KCNMA1: variants seen among roughly 807,000 people sequenced by gnomAD.
KCNMA1 encodes potassium calcium-activated channel subfamily M alpha 1.
Under a neutral mutation model 140.0 loss-of-function variants are expected in KCNMA1, and 29 were observed. That is an observed-to-expected ratio of 0.21 (90% CI 0.15 to 0.28). The LOEUF (loss-of-function observed/expected upper bound fraction) is 0.28. Ranked by LOEUF, KCNMA1 falls within the 10% of genes least tolerant of loss-of-function variation. The probability of loss-of-function intolerance (pLI) is 1.00; values close to 1 mark genes in which losing one functional copy is unlikely to be tolerated. For synonymous variants in KCNMA1, 612 were observed against 611.9 expected, an observed-to-expected ratio of 1.00 and a Z score of 0.00; for missense variants, 880 against 1,602.2, an observed-to-expected ratio of 0.55 and a Z score of 7.70.
Position 77,080,453 on chromosome 10 carries a change from C to T in KCNMA1, c.1524-903G>A, listed in dbSNP as rs77968806. ...ATGGGCTAAGCCCCATTTTGGGGCT[C>T]ACCTATCCTGCATCAGGACCAGCAG... is the stretch of plus-strand genomic sequence containing the variant. On this transcript the variant is annotated intron_variant, in intron 12 of 27. Coordinates refer to ENST00000286628, the MANE Select transcript of KCNMA1 (RefSeq NM_001161352.2). Among the ~76,000 whole-genome samples, 1,522 of 152,290 alleles carry T rather than the reference C, an allele frequency of 1.0e-2. 23 individuals are homozygous for T. The highest frequency in any genetic ancestry group is 0.066 in the East Asian group (341 of 5,166).
chr10:77,385,967 A>G (rs535429858), intron 2 of KCNMA1, among the ~76,000 whole-genome samples: 1 of 152,312 alleles, frequency 6.6e-6, no homozygotes, highest in Admixed American at 6.5e-5. Flanking sequence ...AGCCAGGACA[A>G]TGGAAAAAGA....
chr10:77,516,462 T>A (rs1018852228), intron 1 of KCNMA1, among the ~76,000 whole-genome samples: 1 of 152,234 alleles, frequency 6.6e-6, no homozygotes, highest in Non-Finnish European at 1.5e-5. Flanking sequence ...CCTAACCCAA[T>A]GAGGGCAGGG....
At chr10:77,121,972 CA>C (rs1413366923) in intron 5 of KCNMA1, among the ~76,000 whole-genome samples, 3 of 152,218 alleles carry the variant, frequency 2.0e-5, no homozygotes, top group Non-Finnish European at 4.4e-5. Context: ...TTTTCTTTTG[CA>C]GACTTTCTAG....
intron 1 of KCNMA1, among the ~76,000 whole-genome samples, chr10:77,614,472 C>T (rs2088505322): frequency 6.6e-6 from 1 of 152,216 alleles, no homozygotes. Flanking sequence ...ATCGCCATCC[C>T]TCACCTAACC....
intron 6 of KCNMA1, among the ~76,000 whole-genome samples, chr10:77,115,237 C>T (rs943751008): frequency 1.9e-4 from 29 of 152,184 alleles, no homozygotes; most frequent in African/African-American, 6.5e-4. Context: ...ATGTGTGGAA[C>T]AACTTTCTTC....
chr10:77,292,452 G>C (rs1056337243), intron 2 of KCNMA1, among the ~76,000 whole-genome samples: 1 of 152,218 alleles, frequency 6.6e-6, no homozygotes, highest in Non-Finnish European at 1.5e-5. Flanking sequence ...AATCACAGGG[G>C]CGGCCCCCAC....
At chr10:77,128,049 T>C (rs2097779069) in intron 5 of KCNMA1, among the ~76,000 whole-genome samples, 1 of 152,138 alleles carries the variant, frequency 6.6e-6, no homozygotes, top group African/African-American at 2.4e-5. Context: ...ATGGCTGTTT[T>C]ATTTTGCTTT....
intron 1 of KCNMA1, among the ~76,000 whole-genome samples, chr10:77,465,576 A>G (rs7910590): frequency 0.023 from 3,473 of 152,242 alleles, 154 homozygotes; most frequent in African/African-American, 0.079. Flanking sequence ...AAATGGGGAT[A>G]ATAACAATGC....
chr10:77,040,820 A>T (rs1056931639), intron 14 of KCNMA1, among the ~76,000 whole-genome samples: 1 of 152,212 alleles, frequency 6.6e-6, no homozygotes, highest in African/African-American at 2.4e-5. Context: ...GTCTTGCTCC[A>T]AATTTCAAAA....
intron 2 of KCNMA1, among the ~76,000 whole-genome samples, chr10:77,389,591 C>T (rs986099731): frequency 2.8e-4 from 43 of 152,234 alleles, no homozygotes; most frequent in African/African-American, 9.9e-4. Flanking sequence ...ACGTTTGATA[C>T]CAACTAGGAA....
chr10:77,176,505 T>C (rs944004055), intron 5 of KCNMA1, among the ~76,000 whole-genome samples: 2 of 152,016 alleles, frequency 1.3e-5, no homozygotes, highest in South Asian at 2.1e-4. Flanking sequence ...TGGGAGGGTG[T>C]TGAGCTTCAA....
At position 77,522,709 on chromosome 10, in the gene KCNMA1, C is replaced by T. The variant is rs1428803975; in HGVS notation, c.378+114556G>A. On this transcript the variant is annotated intron_variant, in intron 1 of 27. Coordinates refer to ENST00000286628, the MANE Select transcript of KCNMA1 (RefSeq NM_001161352.2). ...GGAGGTCTTTATCCTTGCAGGGCAG[C>T]CTTCAAAGGTGCAAACTCTGCCAAG... Among the ~76,000 whole-genome samples the T allele has an allele frequency of 1.3e-5, 2 of 152,140 alleles. 1 individual carries two copies. The highest frequency in any genetic ancestry group is 4.1e-4 in the South Asian group (2 of 4,828).
In KCNMA1 at chr10:77,180,156, A is replaced by C. The variant is rs147046749; in HGVS notation, c.808+3265T>G. On this transcript the variant is annotated intron_variant, in intron 5 of 27. Coordinates refer to ENST00000286628, the MANE Select transcript of KCNMA1 (RefSeq NM_001161352.2). ...ATGGGGATAGACTTCGGTTTCCTGC[A>C]TCTTATCCCAAACCTCAGCCAGAAA... 1.7e-4 allele frequency among the ~76,000 whole-genome samples: 26 copies of C among 152,344 alleles called. 2 individuals carry two copies. The East Asian group carries it at 5.0e-3, about 29-fold the overall frequency.
intron 1 of KCNMA1, among the ~76,000 whole-genome samples, chr10:77,593,225 G>C (rs1025816434): frequency 6.6e-6 from 1 of 152,076 alleles, no homozygotes; most frequent in East Asian, 1.9e-4. Context: ...AAAGGACAGG[G>C]AACCATAATC....
intron 12 of KCNMA1, 50 bp downstream of exon 12, chr10:77,084,587 C>G (rs748698331): frequency 7.7e-6 from 11 of 1,419,410 alleles, no homozygotes; most frequent in African/African-American, 1.4e-5. Flanking sequence ...GGGCCGTGAA[C>G]AGCCACAGAC....
intron 1 of KCNMA1, among the ~76,000 whole-genome samples, chr10:77,468,510 G>T (rs2098083176): frequency 6.6e-6 from 1 of 152,134 alleles, no homozygotes. Context: ...GTCCTTAGAA[G>T]AAGAGGAAAT....
At chr10:77,355,726 G>C (rs1008521597) in intron 2 of KCNMA1, among the ~76,000 whole-genome samples, 1 of 152,336 alleles carries the variant, frequency 6.6e-6, no homozygotes, top group Middle Eastern at 3.4e-3. Flanking sequence ...TTTTCAATTA[G>C]ATAAGACAAT....
At chr10:77,023,597 C>T (rs2093100726) in intron 16 of KCNMA1, among the ~76,000 whole-genome samples, 1 of 152,194 alleles carries the variant, frequency 6.6e-6, no homozygotes, top group Admixed American at 6.5e-5. Flanking sequence ...TTTGATCACA[C>T]AAGTTCATAT....
intron 1 of KCNMA1, among the ~76,000 whole-genome samples, chr10:77,612,103 CA>C (rs2087148852): frequency 6.6e-6 from 1 of 152,126 alleles, no homozygotes; most frequent in Admixed American, 6.5e-5. Context: ...TAACCAGATC[CA>C]AAAACATCCT....
Sources: gnomAD v4.1 joint callset for allele counts (sites outside exome capture counted in the v4.1 genomes callset) on GRCh38, gnomAD v4.1.1 for gene constraint, MANE v1.5 for transcripts, NCBI Gene and HGNC (gene_info 2026-07-23, HGNC 2026-07-21) for gene names.